ETFDH: variants seen among roughly 807,000 people sequenced by gnomAD.
The protein encoded by ETFDH is electron transfer flavoprotein-ubiquinone oxidoreductase, mitochondrial.
In ETFDH, 61 loss-of-function variants were observed where a neutral mutation model predicts 73.2. The ratio of observed to expected loss-of-function variants is 0.83; its 90% CI spans 0.68 to 1.03. The LOEUF is 1.03. Ranked by LOEUF, ETFDH falls within the 50% of genes least tolerant of loss-of-function variation. ETFDH has a pLI of 0.00. For synonymous variants in ETFDH, 243 were observed against 253.3 expected, an observed-to-expected ratio of 0.96 and a Z score of 0.39; for missense variants, 685 against 745.0, an observed-to-expected ratio of 0.92 and a Z score of 0.94.
intron 1 of ETFDH, among the ~76,000 whole-genome samples, chr4:158,677,867 C>G (rs1773748467): frequency 6.6e-6 from 1 of 152,052 alleles, no homozygotes; most frequent in Admixed American, 6.5e-5. Context: ...AGAGTCCATT[C>G]AGTGGTTGGG....
At position 158,709,057 on chromosome 4, in the gene ETFDH, G is replaced by GTGTGTGTGTGTA. The variant is rs1176104103; in HGVS notation, c.*531_*532insGTGTGTGTGTAT. On this transcript the variant is annotated 3_prime_UTR_variant, in exon 13 of 13. Coordinates refer to ENST00000511912, the MANE Select transcript of ETFDH (RefSeq NM_004453.4). ...TGTGTGTGTGTGTGTGTGTGTGTGT[G>GTGTGTGTGTGTA]TATTATCTATAAGTATGAAAACCTA... 2 of 145,024 alleles carry GTGTGTGTGTGTA rather than the reference G, an allele frequency of 1.4e-5. No homozygotes were observed. Among genetic ancestry groups the GTGTGTGTGTGTA allele is most frequent in the Admixed American group, 7.1e-5 (1 of 14,028 alleles). 9.0% of individuals were successfully genotyped at this position (145,024 alleles called of 1,614,324 possible).
chr4:158,706,628 G>T lies in ETFDH; in HGVS notation c.1469-1G>T, dbSNP rs1561251640. 2.5e-6 allele frequency: 4 copies of T among 1,611,342 alleles called. No homozygotes were observed. In the South Asian group the frequency reaches 4.4e-5, roughly 18 times the overall value. ...AAGCATTTCCCTCAAAATTGTTGAA[G>T]GTTCTGACTTTGAACGGCTCAAGCC... On this transcript the variant is annotated splice_acceptor_variant, in intron 11 of 12. Transcript: ENST00000511912. LOFTEE classifies it high-confidence loss of function.
chr4:158,686,614 A>C (rs1774012058), intron 5 of ETFDH, among the ~76,000 whole-genome samples: 1 of 152,212 alleles, frequency 6.6e-6, no homozygotes, highest in Non-Finnish European at 1.5e-5. Flanking sequence ...GAAAGGGAGA[A>C]GTAAGAAAAT....
At chr4:158,689,864 A>C (rs570960415) in intron 5 of ETFDH, among the ~76,000 whole-genome samples, 1 of 151,798 alleles carries the variant, frequency 6.6e-6, no homozygotes, top group Non-Finnish European at 1.5e-5. Context: ...TCTTGCTCCA[A>C]AAATAAACTT....
intron 1 of ETFDH, among the ~76,000 whole-genome samples, chr4:158,676,900 ATTAT>A (rs1320232593): frequency 6.6e-6 from 1 of 151,974 alleles, no homozygotes; most frequent in Non-Finnish European, 1.5e-5. Flanking sequence ...TTTTAATTGG[ATTAT>A]TTGTCTTTTG....
At chr4:158,675,431 G>A (rs1322459141) in intron 1 of ETFDH, among the ~76,000 whole-genome samples, 1 of 152,026 alleles carries the variant, frequency 6.6e-6, no homozygotes, top group Non-Finnish European at 1.5e-5. Flanking sequence ...ACCATTTATT[G>A]ATCAACATTT....
intron 12 of ETFDH, 78 bp from the exon 13 acceptor site, chr4:158,708,286 C>A: frequency 9.1e-7 from 1 of 1,104,706 alleles, no homozygotes; most frequent in East Asian, 2.5e-5. Flanking sequence ...TGTGGCTACT[C>A]TTTCCTTAAT....
chr4:158,691,389 A>G (rs531261533), intron 6 of ETFDH, among the ~76,000 whole-genome samples: 51 of 152,300 alleles, frequency 3.3e-4, no homozygotes, highest in African/African-American at 1.1e-3. Context: ...CAGTGGTGCA[A>G]TCTTGGCTCA....
In ETFDH at chr4:158,684,653, T is replaced by C. The variant is rs1310774978; in HGVS notation, c.467T>C (p.Ile156Thr). ...GGAATTTTAACAGAGAAATACAGAA[T>C]TCCTGTGCCAATTCTTCCAGGTAAG... ...RFGILTEKYR[I>T]PVPILPGLPM... The change falls in exon 4 of 13, where the codon ATT (isoleucine) becomes ACT (threonine). Residue 156 changes from isoleucine (I) to threonine (T), a missense_variant. By Grantham distance (89) the Ile-to-Thr change is moderately conservative. This residue lies in a region of ETFDH where 405 missense variants were observed against 399.3 expected (regional missense o/e 1.01). Coordinates refer to ENST00000511912, the MANE Select transcript of ETFDH (RefSeq NM_004453.4). The C allele has an allele frequency of 6.4e-7, 1 of 1,568,420 alleles. No individual in the cohort carries two copies. Among genetic ancestry groups the C allele is most frequent in the Non-Finnish European group, 8.8e-7 (1 of 1,138,506 alleles).
chr4:158,677,671 T>C (rs893822329), intron 1 of ETFDH, among the ~76,000 whole-genome samples: 32 of 152,362 alleles, frequency 2.1e-4, no homozygotes, highest in Admixed American at 7.8e-4. Flanking sequence ...AGGTTGGAGT[T>C]GGTATCTTAT....
chr4:158,694,448 G>T (rs1774257242), intron 6 of ETFDH, among the ~76,000 whole-genome samples: 2 of 152,024 alleles, frequency 1.3e-5, no homozygotes, highest in South Asian at 4.1e-4. Flanking sequence ...CAAAAAGTTA[G>T]CTGGGCTTGG....
At chr4:158,701,444 G>T (rs1004266203) in intron 9 of ETFDH, among the ~76,000 whole-genome samples, 1 of 152,116 alleles carries the variant, frequency 6.6e-6, no homozygotes, top group African/African-American at 2.4e-5. Flanking sequence ...CCTGAGTTTG[G>T]TCTGAGAACC....
At chr4:158,684,832 C>A in intron 4 of ETFDH, 159 bp downstream of exon 4, 1 of 643,162 alleles carries the variant, frequency 1.6e-6, no homozygotes. Flanking sequence ...GAAAGCAGGA[C>A]TAGAACTCAG....
intron 1 of ETFDH, chr4:158,679,429 A>C (rs1343653514): frequency 6.6e-6 from 1 of 152,176 alleles, no homozygotes; most frequent in Non-Finnish European, 1.5e-5. Context: ...ACCCCAGTGG[A>C]GAAGAATATA....
chr4:158,682,410 T>C lies in ETFDH; in HGVS notation c.391T>C (p.Trp131Arg). The change falls in exon 3 of 13, where the codon TGG (tryptophan) becomes CGG (arginine). Residue 131 changes from tryptophan (W) to arginine (R), a missense_variant. By Grantham distance (101) the Trp-to-Arg change is moderately radical. Around this residue, in one of 3 missense-constraint regions of ETFDH, gnomAD observed 405 missense variants for 399.3 expected, o/e 1.01. Coordinates refer to ENST00000511912, the MANE Select transcript of ETFDH (RefSeq NM_004453.4). ...TGCTTTTAAAGAACTCTTCCCAGAC[T>C]GGAAAGAGAAGGGGGTATGAAAAAT... Reference protein sequence around the residue: ...PGAFKELFPDWKEKGAPLNTP... With the variant: ...PGAFKELFPDRKEKGAPLNTP... 1 of 1,613,858 alleles carries C rather than the reference T, an allele frequency of 6.2e-7. No homozygotes were observed. The highest frequency in any genetic ancestry group is 8.5e-7 in the Non-Finnish European group (1 of 1,179,700).
At chr4:158,707,381 G>A (rs1774655577) in intron 12 of ETFDH, among the ~76,000 whole-genome samples, 1 of 152,190 alleles carries the variant, frequency 6.6e-6, no homozygotes, top group South Asian at 2.1e-4. Context: ...CTGTGACTTG[G>A]TCTTTTGGCT....
At chr4:158,675,008 T>C (rs1382167876) in intron 1 of ETFDH, among the ~76,000 whole-genome samples, 3 of 152,252 alleles carry the variant, frequency 2.0e-5, no homozygotes, top group Non-Finnish European at 4.4e-5. Context: ...CATAATATTT[T>C]TGTGTGTGGC....
At position 158,682,264 on chromosome 4, in the gene ETFDH, C is replaced by T. The variant is rs887871605; in HGVS notation, c.245C>T (p.Ser82Phe). Residue 82 changes from serine (S) to phenylalanine (F), a missense_variant, in exon 3 of 13, where the codon TCT (serine) becomes TTT (phenylalanine). Coordinates refer to ENST00000511912, the MANE Select transcript of ETFDH (RefSeq NM_004453.4). ...GTTGGTGCAGGCCCTGCAGGGCTCT[C>T]TGCAGCTGTTCGTCTAAAACAGTTG... ...VIVGAGPAGL[S>F]AAVRLKQLAV... 1.7e-5 allele frequency: 28 copies of T among 1,614,082 alleles called. No homozygotes were observed. The highest frequency in any genetic ancestry group is 2.4e-5 in the Non-Finnish European group (28 of 1,180,042).
At chr4:158,689,592 CTTCATATATATATATATATATA>C (rs1368401598) in intron 5 of ETFDH, among the ~76,000 whole-genome samples, 1 of 51,734 alleles carries the variant, frequency 1.9e-5, no homozygotes, top group Non-Finnish European at 3.4e-5. Context: ...CAAATAAAAC[CTTCATATATATATATATATATA>C]TATATATATA....
Sources: gnomAD v4.1 joint callset for allele counts (sites outside exome capture counted in the v4.1 genomes callset) on GRCh38, gnomAD v4.1.1 for gene constraint, gnomAD v4.1.1 regional missense constraint, MANE v1.5 for transcripts, NCBI Gene and HGNC (gene_info 2026-07-23, HGNC 2026-07-21) for gene names.